Variants in GALNT13 observed in about 807,000 individuals in gnomAD.
The protein encoded by GALNT13 is UDP-GalNAc:polypeptide N-acetylgalactosaminyltransferase 13.
A neutral mutation model predicts 64.2 loss-of-function variants in GALNT13; 28 were observed. The observed-to-expected ratio is 0.44, with a 90% CI of 0.32 to 0.60. The LOEUF is 0.60. GALNT13 is among the 20% of genes least tolerant of loss of function. GALNT13 has a pLI of 0.05. For missense variants in GALNT13, 577 were observed against 669.8 expected (o/e 0.86, Z 1.53); for synonymous variants, 214 against 224.6 (o/e 0.95, Z 0.42).
At chr2:154,405,835 A>G (rs1699509935) in intron 10 of GALNT13, among the ~76,000 whole-genome samples, 2 of 152,268 alleles carry the variant, frequency 1.3e-5, no homozygotes, top group South Asian at 4.1e-4. Context: ...GTCAAGATAC[A>G]TTGTAGGAAA....
chr2:153,680,901 A>G, the GALNT13 span, among the ~76,000 whole-genome samples: 1 of 151,958 alleles, frequency 6.6e-6, no homozygotes, highest in Non-Finnish European at 1.5e-5. Flanking sequence ...TGCTGTACAT[A>G]AAACTCAGAT....
the GALNT13 span, among the ~76,000 whole-genome samples, chr2:153,331,973 A>G: frequency 1.3e-5 from 2 of 152,180 alleles, no homozygotes; most frequent in Non-Finnish European, 2.9e-5. Context: ...AGAAGTGCTC[A>G]TAATAGTCTC....
chr2:153,556,941 T>C, the GALNT13 span, among the ~76,000 whole-genome samples: 2 of 152,168 alleles, frequency 1.3e-5, no homozygotes, highest in African/African-American at 4.8e-5. Flanking sequence ...CACCTAACAT[T>C]TCCAATAAGA....
intron 8 of GALNT13, among the ~76,000 whole-genome samples, chr2:154,288,749 C>G (rs890816987): frequency 6.6e-6 from 1 of 152,238 alleles, no homozygotes; most frequent in Non-Finnish European, 1.5e-5. Flanking sequence ...AGGTGGGTTT[C>G]CATGGTCTTG....
the GALNT13 span, among the ~76,000 whole-genome samples, chr2:153,393,162 G>GAT: frequency 1.1e-4 from 16 of 151,968 alleles, no homozygotes; most frequent in East Asian, 1.2e-3. Context: ...CTTGTGGCTG[G>GAT]ATATATATAT....
At chr2:154,389,908 A>G (rs1256166325) in intron 9 of GALNT13, among the ~76,000 whole-genome samples, 2 of 152,128 alleles carry the variant, frequency 1.3e-5, no homozygotes, top group Non-Finnish European at 1.5e-5. Flanking sequence ...GGCAGTCATG[A>G]TGGGTGAGGG....
the GALNT13 span, among the ~76,000 whole-genome samples, chr2:153,372,303 GA>G: frequency 7.2e-5 from 11 of 151,816 alleles, no homozygotes; most frequent in Non-Finnish European, 1.2e-4. Context: ...ATTTTTCTAG[GA>G]AAAAAGCTTC....
At chr2:154,028,761 A>T (rs770336504) in intron 3 of GALNT13, among the ~76,000 whole-genome samples, 26 of 152,142 alleles carry the variant, frequency 1.7e-4, no homozygotes, top group East Asian at 1.9e-4. Context: ...GATACAACAT[A>T]TGAATTAATA....
chr2:154,238,575 A>G (rs1187258014), intron 4 of GALNT13, among the ~76,000 whole-genome samples: 1 of 152,186 alleles, frequency 6.6e-6, no homozygotes, highest in East Asian at 1.9e-4. Context: ...AGAAATAATG[A>G]AAATCATAAC....
the GALNT13 span, among the ~76,000 whole-genome samples, chr2:153,224,868 G>A: frequency 6.6e-6 from 1 of 151,976 alleles, no homozygotes; most frequent in Non-Finnish European, 1.5e-5. Context: ...CCAAAAAAAG[G>A]CACCATGCCA....
the GALNT13 span, among the ~76,000 whole-genome samples, chr2:153,092,341 A>G: frequency 1.3e-5 from 2 of 152,048 alleles, no homozygotes; most frequent in Non-Finnish European, 2.9e-5. Context: ...GTGGTTTCAT[A>G]TACATTTTAG....
At chr2:153,693,580 G>T in the GALNT13 span, among the ~76,000 whole-genome samples, 1 of 152,052 alleles carries the variant, frequency 6.6e-6, no homozygotes, top group East Asian at 2.0e-4. Flanking sequence ...TAGAATGCGT[G>T]GCCTGTACTT....
chr2:154,260,830 G>T (rs1690657516), intron 8 of GALNT13, among the ~76,000 whole-genome samples: 1 of 152,180 alleles, frequency 6.6e-6, no homozygotes, highest in South Asian at 2.1e-4. Flanking sequence ...ATATTCTTCG[G>T]GTGCTATGCT....
chr2:153,959,078 C>G (rs191142580), intron 3 of GALNT13, among the ~76,000 whole-genome samples: 28 of 152,332 alleles, frequency 1.8e-4, no homozygotes, highest in African/African-American at 6.5e-4. Context: ...ATACTTCTAA[C>G]TCTAAGGGCA....
chr2:153,129,010 G>C, the GALNT13 span, among the ~76,000 whole-genome samples: 11 of 152,124 alleles, frequency 7.2e-5, no homozygotes, highest in African/African-American at 2.7e-4. Flanking sequence ...GGTTGGAACA[G>C]AGCCAAACCA....
intron 3 of GALNT13, among the ~76,000 whole-genome samples, chr2:154,127,762 G>A (rs1215595082): frequency 6.7e-6 from 1 of 149,128 alleles, no homozygotes; most frequent in Non-Finnish European, 1.5e-5. Context: ...ATGTATATGG[G>A]TATATATATC....
the GALNT13 span, among the ~76,000 whole-genome samples, chr2:153,470,783 TAAAAG>T: frequency 5.1e-4 from 78 of 152,314 alleles, no homozygotes; most frequent in African/African-American, 1.8e-3. Flanking sequence ...TAATGTTACT[TAAAAG>T]AAGAATGTAT....
the GALNT13 span, among the ~76,000 whole-genome samples, chr2:153,350,350 C>T: frequency 6.7e-6 from 1 of 148,460 alleles, no homozygotes; most frequent in Non-Finnish European, 1.5e-5. Flanking sequence ...TAGTATCATT[C>T]GATTTTATTT....
In GALNT13 at chr2:154,028,141, A is replaced by G. The variant is rs568602254; in HGVS notation, c.142+83502A>G. Among the ~76,000 whole-genome samples, 3 of 152,276 alleles carry G rather than the reference A, an allele frequency of 2.0e-5. No individual in the cohort carries two copies. The East Asian group carries it at 5.8e-4, about 29-fold the overall frequency. ...GAGGGCATTTAGCATACTGATAGTG[A>G]TATGAACTAAAGGAAATGTTGACAC... On this transcript the variant is annotated intron_variant, in intron 3 of 12. Transcript: ENST00000392825.
Sources: gnomAD v4.1 joint callset for allele counts (sites outside exome capture counted in the v4.1 genomes callset) on GRCh38, gnomAD v4.1.1 for gene constraint, MANE v1.5 for transcripts, NCBI Gene and HGNC (gene_info 2026-07-23, HGNC 2026-07-21) for gene names.